The following CNTNAP2 variants were observed in gnomAD, a reference collection of about 807,000 sequenced individuals.
The protein encoded by CNTNAP2 is contactin-associated protein-like 2.
A neutral mutation model predicts 155.2 loss-of-function variants in CNTNAP2; 98 were observed. The ratio of observed to expected loss-of-function variants is 0.63; its 90% CI spans 0.54 to 0.75. The LOEUF (loss-of-function observed/expected upper bound fraction) is 0.75. Ranked by LOEUF, CNTNAP2 falls within the 30% of genes least tolerant of loss-of-function variation. The pLI, the probability that CNTNAP2 is intolerant of heterozygous loss-of-function variation, is 0.00. For missense variants in CNTNAP2, 1,727 were observed against 1,688.1 expected (o/e 1.02, Z -0.40); for synonymous variants, 651 against 631.2 (o/e 1.03, Z -0.47).
At chr7:148,164,611 C>CTTTTTTTTTTT (rs1175888434) in intron 17 of CNTNAP2, among the ~76,000 whole-genome samples, 1 of 93,488 alleles carries the variant, frequency 1.1e-5, no homozygotes, top group Non-Finnish European at 1.9e-5. Flanking sequence ...TTTTCTCTCT[C>CTTTTTTTTTTT]TTTTTTTTTT....
At chr7:147,764,122 C>G (rs1445534173) in intron 13 of CNTNAP2, among the ~76,000 whole-genome samples, 1 of 151,988 alleles carries the variant, frequency 6.6e-6, no homozygotes, top group East Asian at 1.9e-4. Context: ...GTATTCCAAC[C>G]CTGTTTGCTA....
intron 19 of CNTNAP2, among the ~76,000 whole-genome samples, chr7:148,221,953 A>T (rs1256761694): frequency 1.3e-5 from 2 of 152,322 alleles, no homozygotes; most frequent in Admixed American, 1.3e-4. Flanking sequence ...ATAGAAAATT[A>T]TTATATTTGA....
intron 1 of CNTNAP2, among the ~76,000 whole-genome samples, chr7:146,333,563 A>C (rs145250607): frequency 6.6e-6 from 1 of 152,278 alleles, no homozygotes; most frequent in East Asian, 1.9e-4. Context: ...GTTTTTATGT[A>C]AGGAGAGGAA....
chr7:146,198,379 A>G (rs1798807817), intron 1 of CNTNAP2, among the ~76,000 whole-genome samples: 1 of 152,220 alleles, frequency 6.6e-6, no homozygotes. Flanking sequence ...TGGAACGATT[A>G]ACTCAAAAGT....
intron 21 of CNTNAP2, among the ~76,000 whole-genome samples, chr7:148,296,545 C>CAAAAAAAAAAAAAAAAA (rs143609414): frequency 9.1e-5 from 7 of 76,598 alleles, no homozygotes; most frequent in African/African-American, 1.5e-4. Context: ...GACTCTGTCT[C>CAAAAAAAAAAAAAAAAA]AAAAAAAAAA....
chr7:147,431,160 T>C (rs1465953709), intron 10 of CNTNAP2, among the ~76,000 whole-genome samples: 1 of 152,142 alleles, frequency 6.6e-6, no homozygotes, highest in Non-Finnish European at 1.5e-5. Context: ...ATGATTAGGT[T>C]GGTTTGAGCA....
chr7:147,495,989 C>T (rs1361272748), intron 11 of CNTNAP2, among the ~76,000 whole-genome samples: 1 of 152,246 alleles, frequency 6.6e-6, no homozygotes, highest in African/African-American at 2.4e-5. Context: ...GTGAACTGTG[C>T]ATGCGAGGGA....
intron 13 of CNTNAP2, among the ~76,000 whole-genome samples, chr7:147,657,105 T>C (rs540414724): frequency 6.6e-6 from 1 of 152,324 alleles, no homozygotes; most frequent in African/African-American, 2.4e-5. Context: ...CTATACTATG[T>C]GGGGCAGACT....
At chr7:146,629,812 G>T (rs894755152) in intron 1 of CNTNAP2, among the ~76,000 whole-genome samples, 1 of 152,100 alleles carries the variant, frequency 6.6e-6, no homozygotes, top group Non-Finnish European at 1.5e-5. Context: ...TTTGAGACTG[G>T]TTCACACAGA....
chr7:148,200,452 T>C (rs1795350773), intron 18 of CNTNAP2, among the ~76,000 whole-genome samples: 1 of 151,702 alleles, frequency 6.6e-6, no homozygotes. Context: ...TAGAGTGCAG[T>C]GGCACAATCA....
intron 2 of CNTNAP2, among the ~76,000 whole-genome samples, chr7:146,807,487 G>A (rs1787741716): frequency 6.6e-6 from 1 of 152,044 alleles, no homozygotes; most frequent in Admixed American, 6.6e-5. Context: ...AAATGAAACT[G>A]AGAAAAAGAG....
At chr7:146,597,525 G>A (rs1308816580) in intron 1 of CNTNAP2, among the ~76,000 whole-genome samples, 1 of 151,966 alleles carries the variant, frequency 6.6e-6, no homozygotes, top group Non-Finnish European at 1.5e-5. Context: ...ATATATAAAT[G>A]TAATATTTGC....
intron 8 of CNTNAP2, among the ~76,000 whole-genome samples, chr7:147,192,050 A>G (rs1053504219): frequency 2.6e-5 from 4 of 152,224 alleles, no homozygotes; most frequent in African/African-American, 4.8e-5. Flanking sequence ...ATGAACCACA[A>G]TTTCTAAGGT....
intron 1 of CNTNAP2, among the ~76,000 whole-genome samples, chr7:146,377,325 C>T (rs1795317491): frequency 1.3e-5 from 2 of 152,120 alleles, no homozygotes; most frequent in Non-Finnish European, 1.5e-5. Flanking sequence ...CGTTTTCTCC[C>T]ATTCTTGCTT....
At chr7:147,022,797 A>T (rs546381248) in intron 3 of CNTNAP2, among the ~76,000 whole-genome samples, 43 of 152,208 alleles carry the variant, frequency 2.8e-4, no homozygotes, top group African/African-American at 1.0e-3. Flanking sequence ...TTTTTCCTTC[A>T]AATTGGAAAA....
chr7:148,267,246 C>G (rs1278830670), intron 21 of CNTNAP2, 120 bp downstream of exon 21: 1 of 869,120 alleles, frequency 1.2e-6, no homozygotes, highest in Non-Finnish European at 1.9e-6. Flanking sequence ...AATATCTTCT[C>G]TGTACAGGAA....
intron 13 of CNTNAP2, among the ~76,000 whole-genome samples, chr7:147,839,973 T>C (rs1445615756): frequency 6.6e-6 from 1 of 151,524 alleles, no homozygotes; most frequent in Non-Finnish European, 1.5e-5. Context: ...TACCATGGAA[T>C]ACTACTCAGC....
intron 1 of CNTNAP2, among the ~76,000 whole-genome samples, chr7:146,295,639 C>G (rs764002030): frequency 6.6e-5 from 10 of 151,916 alleles, no homozygotes; most frequent in Non-Finnish European, 1.2e-4. Flanking sequence ...TCCTATCCCT[C>G]AAAAATAAGG....
At chr7:146,312,838 T>C (rs1481703675) in intron 1 of CNTNAP2, among the ~76,000 whole-genome samples, 1 of 152,212 alleles carries the variant, frequency 6.6e-6, no homozygotes, top group African/African-American at 2.4e-5. Flanking sequence ...GCTTATTTCA[T>C]TTAGCATATT....
Sources: allele counts gnomAD v4.1 joint callset (sites outside exome capture counted in the v4.1 genomes callset), GRCh38; gene constraint gnomAD v4.1.1; transcripts MANE v1.5; gene names NCBI Gene and HGNC (gene_info 2026-07-23, HGNC 2026-07-21).